SLC6A20: variants seen among roughly 807,000 people sequenced by gnomAD.
SLC6A20 encodes solute carrier family 6 member 20.
A neutral mutation model predicts 64.3 loss-of-function variants in SLC6A20; 73 were observed. The ratio of observed to expected loss-of-function variants is 1.14; its 90% CI spans 0.94 to 1.38. The LOEUF (loss-of-function observed/expected upper bound fraction) is 1.38. Ranked by LOEUF, SLC6A20 falls within the 40% of genes most tolerant of loss-of-function variation. The pLI, the probability that SLC6A20 is intolerant of heterozygous loss-of-function variation, is 0.00. For synonymous variants in SLC6A20, 347 were observed against 329.6 expected (o/e 1.05, Z -0.57); for missense variants, 725 against 772.8 (o/e 0.94, Z 0.73).
rs189291068 is a variant in SLC6A20, at chr3:45,776,052, G to A, written c.355-64C>T. The A allele has an allele frequency of 1.5e-5, 22 of 1,493,618 alleles. No homozygotes were observed. In the African/African-American group the frequency reaches 2.9e-4, roughly 20 times the overall value. 92.5% of individuals were successfully genotyped at this position (1,493,618 alleles called of 1,614,324 possible). On this transcript the variant is annotated intron_variant, in intron 3 of 10. Coordinates refer to ENST00000358525, the MANE Select transcript of SLC6A20 (RefSeq NM_020208.4). ...GCTGAGGACAAAGGCTGTGGCAGGG[G>A]TGAGGGAGGTGGCCCTGAGCGGAGA... is the stretch of plus-strand genomic sequence containing the variant.
In SLC6A20 at chr3:45,796,455, G is replaced by T. The variant is rs1387451423; in HGVS notation, c.-36C>A. The T allele has an allele frequency of 4.4e-6, 7 of 1,596,010 alleles. 1 individual carries two copies. Among genetic ancestry groups the T allele is most frequent in the South Asian group, 2.2e-5 (2 of 89,444 alleles). On this transcript the variant is annotated 5_prime_UTR_variant, in exon 1 of 11. Coordinates refer to ENST00000358525, the MANE Select transcript of SLC6A20 (RefSeq NM_020208.4). ...TCGGCGCGCTCGGCTCCGGCTCGGG[G>T]GTCCGGCACGGCAGTCTCAGTGCGC...
In SLC6A20 at chr3:45,776,006, G is replaced by T; in HGVS notation, c.355-18C>A. 1 of 1,612,376 alleles carries T rather than the reference G, an allele frequency of 6.2e-7. No homozygotes were observed. On this transcript the variant is annotated intron_variant, in intron 3 of 10. Coordinates refer to ENST00000358525, the MANE Select transcript of SLC6A20 (RefSeq NM_020208.4). ...AGGGGATCCTGTGGGACCAAAGCAA[G>T]TGTTATCCAGGGAGGTGAAGGCTGA... is the stretch of plus-strand genomic sequence containing the variant.
At chr3:45,791,429 G>A (rs925720924) in intron 1 of SLC6A20, among the ~76,000 whole-genome samples, 1 of 152,164 alleles carries the variant, frequency 6.6e-6, no homozygotes, top group African/African-American at 2.4e-5. Flanking sequence ...CCAACACACA[G>A]ACAAATAGAG....
At chr3:45,780,884 C>A (rs1700073915) in intron 2 of SLC6A20, among the ~76,000 whole-genome samples, 1 of 152,198 alleles carries the variant, frequency 6.6e-6, no homozygotes, top group Non-Finnish European at 1.5e-5. Flanking sequence ...CCACTCTGAG[C>A]ACTGGTTGTT....
intron 9 of SLC6A20, 48 bp downstream of exon 9, chr3:45,762,865 C>A (rs553239845): frequency 6.2e-7 from 1 of 1,606,794 alleles, no homozygotes; most frequent in African/African-American, 1.3e-5. Flanking sequence ...GGCGTGGCCT[C>A]TGTGGCTGTG....
At chr3:45,789,683 T>C (rs191350286) in intron 1 of SLC6A20, among the ~76,000 whole-genome samples, 18 of 152,358 alleles carry the variant, frequency 1.2e-4, no homozygotes, top group Non-Finnish European at 1.0e-4. Flanking sequence ...AGTCATTACC[T>C]CTGGGTGGTG....
In SLC6A20 at chr3:45,758,412, G is replaced by A. The variant is rs192854159; in HGVS notation, c.*566C>T. 4.3e-4 allele frequency: 549 copies of A among 1,275,818 alleles called. 2 individuals carry two copies. The African/African-American group carries it at 7.7e-3, about 18-fold the overall frequency. The allele number at this position is 1,275,818 out of a possible 1,614,324, so 79.0% of individuals were successfully genotyped here. On this transcript the variant is annotated 3_prime_UTR_variant, in exon 11 of 11. Coordinates refer to ENST00000358525, the MANE Select transcript of SLC6A20 (RefSeq NM_020208.4). The stretch of plus-strand genomic sequence containing the variant: ...ACCTTAGAGAAAGGATCCCTTTGGG[G>A]GTCCCAGACAAAGATCTTCTTTCTT...
chr3:45,782,953 C>T (rs1388589215), intron 1 of SLC6A20, among the ~76,000 whole-genome samples: 1 of 152,228 alleles, frequency 6.6e-6, no homozygotes, highest in Non-Finnish European at 1.5e-5. Flanking sequence ...TGATCAGGGC[C>T]AAGACAATTG....
At position 45,759,059 on chromosome 3, in the gene SLC6A20, G is replaced by C. The variant is rs776019034; in HGVS notation, c.1698C>G (p.Ser566=). Residue 566 remains serine, a synonymous_variant, in exon 11 of 11, where the codon TCC becomes TCG. Coordinates refer to ENST00000358525, the MANE Select transcript of SLC6A20 (RefSeq NM_020208.4). ...GGGCCGCCAGGGGGATGCACATGGT[G>C]GAGGAGGCCACAAGCAGCCCGATGA... ...LAVIGLLVAS[S]TMCIPLAALG... The C allele has an allele frequency of 8.1e-6, 13 of 1,613,266 alleles. No homozygotes were observed. The South Asian group carries it at 1.3e-4, about 16-fold the overall frequency.
At chr3:45,790,415 C>T (rs994778203) in intron 1 of SLC6A20, 2 of 152,170 alleles carry the variant, frequency 1.3e-5, no homozygotes, top group Non-Finnish European at 2.9e-5. Context: ...GGAACCACTG[C>T]TCTATTCTGT....
At chr3:45,768,109 A>G (rs1699803921) in intron 7 of SLC6A20, among the ~76,000 whole-genome samples, 1 of 152,234 alleles carries the variant, frequency 6.6e-6, no homozygotes, top group South Asian at 2.1e-4. Flanking sequence ...TGTCCAATGT[A>G]TGGGGTTAAG....
At chr3:45,789,948 C>A (rs1022927594) in intron 1 of SLC6A20, among the ~76,000 whole-genome samples, 5 of 152,160 alleles carry the variant, frequency 3.3e-5, no homozygotes, top group South Asian at 2.1e-4. Context: ...CAAACTCACA[C>A]CATATGTTAT....
chr3:45,767,645 G>A (rs1255721758), intron 7 of SLC6A20, among the ~76,000 whole-genome samples: 1 of 152,192 alleles, frequency 6.6e-6, no homozygotes, highest in Non-Finnish European at 1.5e-5. Context: ...TAATAGGTAT[G>A]AATTTTCCAA....
At chr3:45,763,530 C>T (rs772727411) in intron 8 of SLC6A20, among the ~76,000 whole-genome samples, 1 of 152,070 alleles carries the variant, frequency 6.6e-6, no homozygotes, top group African/African-American at 2.4e-5. Context: ...CTTGCCTCCA[C>T]CCAGAAGAGG....
At chr3:45,760,249 G>T (rs927074289) in intron 9 of SLC6A20, among the ~76,000 whole-genome samples, 1 of 152,196 alleles carries the variant, frequency 6.6e-6, no homozygotes, top group African/African-American at 2.4e-5. Context: ...CAAGCAACCC[G>T]CAGAGAGTGG....
chr3:45,789,374 A>T (rs2125657082), intron 1 of SLC6A20, among the ~76,000 whole-genome samples: 1 of 152,356 alleles, frequency 6.6e-6, no homozygotes, highest in African/African-American at 2.4e-5. Flanking sequence ...GTGATGAAAA[A>T]TAACAGCAAA....
chr3:45,788,907 G>A (rs974729047), intron 1 of SLC6A20, among the ~76,000 whole-genome samples: 3 of 152,104 alleles, frequency 2.0e-5, no homozygotes, highest in Non-Finnish European at 2.9e-5. Context: ...CTAACTAGTG[G>A]TAAATAAACC....
chr3:45,761,363 A>G (rs556141582), intron 9 of SLC6A20, among the ~76,000 whole-genome samples: 61 of 152,234 alleles, frequency 4.0e-4, no homozygotes, highest in African/African-American at 1.4e-3. Flanking sequence ...TTACATGGTC[A>G]GTCCACCTAC....
At chr3:45,777,550 C>T (rs886442457) in intron 3 of SLC6A20, among the ~76,000 whole-genome samples, 3 of 152,176 alleles carry the variant, frequency 2.0e-5, no homozygotes, top group Admixed American at 1.3e-4. Flanking sequence ...ACTTCCCGGC[C>T]CAGGACTTCA....
Sources: allele counts gnomAD v4.1 joint callset (sites outside exome capture counted in the v4.1 genomes callset), GRCh38; gene constraint gnomAD v4.1.1; transcripts MANE v1.5; gene names NCBI Gene and HGNC (gene_info 2026-07-23, HGNC 2026-07-21).